The following LUC7L3 variants were observed in gnomAD, a reference collection of about 807,000 sequenced individuals.
LUC7L3 encodes the protein luc7-like protein 3.
A neutral mutation model predicts 66.8 loss-of-function variants in LUC7L3; 6 were observed. The observed-to-expected ratio is 0.09, with a 90% CI of 0.05 to 0.18. The LOEUF is 0.18. Among genes scored for constraint, LUC7L3 ranks in the 10% least tolerant of loss-of-function variants. The pLI is 1.00. For missense variants in LUC7L3, 341 were observed against 531.1 expected (o/e 0.64, Z 3.52); for synonymous variants, 160 against 174.7 (o/e 0.92, Z 0.66).
intron 1 of LUC7L3, among the ~76,000 whole-genome samples, chr17:50,731,205 G>C (rs946747669): frequency 5.9e-5 from 9 of 152,134 alleles, no homozygotes; most frequent in Non-Finnish European, 1.2e-4. Context: ...GTCTCTCTCT[G>C]TCATCCAGGC....
intron 9 of LUC7L3, among the ~76,000 whole-genome samples, chr17:50,750,258 A>G (rs1857066776): frequency 2.0e-5 from 3 of 152,166 alleles, no homozygotes; most frequent in Admixed American, 6.5e-5. Context: ...AATGTGCTTA[A>G]TAGCTTCTCA....
At chr17:50,730,443 G>A (rs1238517908) in intron 1 of LUC7L3, among the ~76,000 whole-genome samples, 1 of 143,710 alleles carries the variant, frequency 7.0e-6, no homozygotes, top group Non-Finnish European at 1.5e-5. Context: ...GCTTGAGCCT[G>A]GGAGGTAGAG....
intron 1 of LUC7L3, among the ~76,000 whole-genome samples, chr17:50,731,056 T>TTAA (rs1485899163): frequency 6.6e-6 from 1 of 152,256 alleles, no homozygotes. Flanking sequence ...TGCATGGGTA[T>TTAA]TAATCTGTAA....
At chr17:50,723,728 C>G (rs997481197) in intron 1 of LUC7L3, 1 of 279,328 alleles carries the variant, frequency 3.6e-6, no homozygotes, top group African/African-American at 2.4e-5. Context: ...GATCTTGGCT[C>G]ACTGCAACCT....
intron 7 of LUC7L3, among the ~76,000 whole-genome samples, chr17:50,745,388 A>G (rs188737129): frequency 1.2e-3 from 187 of 152,324 alleles, no homozygotes; most frequent in Admixed American, 3.3e-3. Context: ...ATATTCTAAT[A>G]TGGCTTAAAT....
rs1210134736 is a variant in LUC7L3, at chr17:50,729,361, A to G, written c.100-7599A>G. Among the ~76,000 whole-genome samples the G allele has an allele frequency of 3.3e-5, 5 of 152,164 alleles. No homozygotes were observed. In the East Asian group the frequency reaches 5.8e-4, roughly 18 times the overall value. The stretch of plus-strand genomic sequence containing the variant: ...ATGGTAAACTCACCACTTTTGGACT[A>G]TGCTGTTTATTTTCATGCATTTGTA... On this transcript the variant is annotated intron_variant, in intron 1 of 9. Transcript: ENST00000505658.
chr17:50,721,078 G>A (rs867792851), intron 1 of LUC7L3, among the ~76,000 whole-genome samples: 4 of 151,252 alleles, frequency 2.6e-5, no homozygotes, highest in African/African-American at 9.7e-5. Context: ...AGGCATCTTT[G>A]TTATAGCGAA....
intron 9 of LUC7L3, among the ~76,000 whole-genome samples, chr17:50,747,765 T>A (rs1010434999): frequency 6.6e-6 from 1 of 152,120 alleles, no homozygotes; most frequent in Non-Finnish European, 1.5e-5. Context: ...AAGCACACAC[T>A]CTTTTTCTGA....
rs1970935562 is a variant in LUC7L3 at position 50,750,610 on chromosome 17, C to G, written c.1248C>G (p.Val416=). ...ESKESDTKNE[V]NGTSEDIKSE... ...AGGAAAGTGATACTAAGAATGAGGT[C>G]AATGGGACCAGTGAAGACATTAAAT... is the stretch of plus-strand genomic sequence containing the variant. The change falls in exon 10 of 10, where the codon GTC becomes GTG. Residue 416 remains valine (V), a synonymous_variant. Coordinates refer to ENST00000505658, the MANE Select transcript of LUC7L3 (RefSeq NM_016424.5). The G allele has an allele frequency of 2.5e-6, 4 of 1,613,994 alleles. No homozygotes were observed. In the East Asian group the frequency reaches 8.9e-5, roughly 36 times the overall value.
intron 1 of LUC7L3, among the ~76,000 whole-genome samples, chr17:50,726,601 G>A (rs1375765097): frequency 6.6e-6 from 1 of 152,032 alleles, no homozygotes; most frequent in Non-Finnish European, 1.5e-5. Flanking sequence ...TGATATGTAC[G>A]ATAGACTGAG....
Position 50,751,777 on chromosome 17 carries a change from A to G in LUC7L3, c.*1116A>G, listed in dbSNP as rs533953292. The G allele has an allele frequency of 3.9e-6, 4 of 1,020,250 alleles. No homozygotes were observed. The highest frequency in any genetic ancestry group is 1.7e-5 in the African/African-American group (1 of 57,624). 63.2% of individuals were successfully genotyped at this position (1,020,250 alleles called of 1,614,324 possible). ...AGCAGTGTGAATAGCAAGGACAGACACCTTCAATTTGTGAAATCAAAGAAC... is the reference window on the plus strand; with the variant it reads ...AGCAGTGTGAATAGCAAGGACAGACGCCTTCAATTTGTGAAATCAAAGAAC... On this transcript the variant is annotated 3_prime_UTR_variant, in exon 10 of 10. Coordinates refer to ENST00000505658, the MANE Select transcript of LUC7L3 (RefSeq NM_016424.5).
chr17:50,732,611 G>C (rs1339672163), intron 1 of LUC7L3, among the ~76,000 whole-genome samples: 1 of 150,384 alleles, frequency 6.6e-6, no homozygotes, highest in East Asian at 1.9e-4. Flanking sequence ...GCCCAGGCTA[G>C]GCTCAAATGA....
At chr17:50,747,245 T>G (rs1417614515) in intron 9 of LUC7L3, among the ~76,000 whole-genome samples, 10 of 97,126 alleles carry the variant, frequency 1.0e-4, no homozygotes, top group African/African-American at 6.5e-4. Flanking sequence ...TTTTTTTTTT[T>G]TTGGTGTGGC....
Position 50,752,134 on chromosome 17 carries a change from T to C in LUC7L3, c.*1473T>C. On this transcript the variant is annotated 3_prime_UTR_variant, in exon 10 of 10. Transcript: ENST00000505658. ...AGCAGTTAGTGACTGGGCCAACACT[T>C]TCTCATAAAAATTGGCCTTTTACAT... is the stretch of plus-strand genomic sequence containing the variant. The C allele has an allele frequency of 7.9e-7, 1 of 1,272,788 alleles. No homozygotes were observed. The highest frequency in any genetic ancestry group is 1.0e-6 in the Non-Finnish European group (1 of 982,086). The allele number at this position is 1,272,788 out of a possible 1,614,324, so 78.8% of individuals were successfully genotyped here.
In LUC7L3 at chr17:50,750,966, C is replaced by A. The variant is rs773057350; in HGVS notation, c.*305C>A. ...AGTCGCCATTGAAAAGTTAATTATC[C>A]TTTTTTTAGGGATTTTGATGTCATT... On this transcript the variant is annotated 3_prime_UTR_variant, in exon 10 of 10. Coordinates refer to ENST00000505658, the MANE Select transcript of LUC7L3 (RefSeq NM_016424.5). The A allele has an allele frequency of 1.4e-6, 2 of 1,462,524 alleles. No homozygotes were observed. The highest frequency in any genetic ancestry group is 2.8e-5 in the South Asian group (2 of 72,558). The allele number at this position is 1,462,524 out of a possible 1,614,324, so 90.6% of individuals were successfully genotyped here. A position where few individuals can be genotyped will look rare whatever the true frequency, so the allele number is the denominator to read the frequency against.
chr17:50,720,112 C>T (rs1019433739), intron 1 of LUC7L3, among the ~76,000 whole-genome samples: 1 of 152,212 alleles, frequency 6.6e-6, no homozygotes, highest in Non-Finnish European at 1.5e-5. Context: ...AGGATAGCAG[C>T]GTCTTATTAA....
intron 1 of LUC7L3, among the ~76,000 whole-genome samples, chr17:50,731,688 A>G (rs761739010): frequency 2.0e-5 from 3 of 152,142 alleles, no homozygotes; most frequent in African/African-American, 7.2e-5. Flanking sequence ...TGGAAGGAAC[A>G]CTCAGAACTG....
At chr17:50,720,296 A>T (rs1365122355) in intron 1 of LUC7L3, among the ~76,000 whole-genome samples, 1 of 152,254 alleles carries the variant, frequency 6.6e-6, no homozygotes, top group Non-Finnish European at 1.5e-5. Context: ...GGGGAAATAG[A>T]AATGTAAAAG....
chr17:50,723,737 C>G, intron 1 of LUC7L3: 1 of 300,822 alleles, frequency 3.3e-6, no homozygotes, highest in Non-Finnish European at 6.6e-6. Context: ...TCACTGCAAC[C>G]TCCACCTCCT....
Sources: allele counts gnomAD v4.1 joint callset (sites outside exome capture counted in the v4.1 genomes callset), GRCh38; gene constraint gnomAD v4.1.1; transcripts MANE v1.5; gene names NCBI Gene and HGNC (gene_info 2026-07-23, HGNC 2026-07-21).